PLCH1: variants seen among roughly 807,000 people sequenced by gnomAD.
PLCH1 encodes 1-phosphatidylinositol 4,5-bisphosphate phosphodiesterase eta-1.
PLCH1 carries 60 observed loss-of-function variants against 126.7 expected under a neutral mutation model. The ratio of observed to expected loss-of-function variants is 0.47; its 90% CI spans 0.38 to 0.59. The LOEUF (loss-of-function observed/expected upper bound fraction) is 0.59. Ranked by LOEUF, PLCH1 falls within the 20% of genes least tolerant of loss-of-function variation. The pLI is 0.00. For synonymous variants in PLCH1, 719 were observed against 734.9 expected, an observed-to-expected ratio of 0.98 and a Z score of 0.35; for missense variants, 1,723 against 2,040.0, an observed-to-expected ratio of 0.84 and a Z score of 2.99.
At chr3:155,539,530 T>C (rs969673040) in intron 10 of PLCH1, among the ~76,000 whole-genome samples, 1 of 152,276 alleles carries the variant, frequency 6.6e-6, no homozygotes, top group East Asian at 1.9e-4. Flanking sequence ...AAAAAGCTCC[T>C]AGATCTGATA....
intron 2 of PLCH1, among the ~76,000 whole-genome samples, chr3:155,602,394 A>G (rs1010133606): frequency 1.3e-5 from 2 of 152,208 alleles, no homozygotes; most frequent in African/African-American, 4.8e-5. Context: ...AGGGAATGAC[A>G]CTACTCTTAG....
At chr3:155,670,245 C>T (rs1743271064) in intron 2 of PLCH1, among the ~76,000 whole-genome samples, 1 of 152,036 alleles carries the variant, frequency 6.6e-6, no homozygotes, top group Non-Finnish European at 1.5e-5. Flanking sequence ...TTTAAAGCTG[C>T]CTTTTATTTC....
chr3:155,666,478 G>A (rs1742737825), intron 2 of PLCH1, among the ~76,000 whole-genome samples: 1 of 152,160 alleles, frequency 6.6e-6, no homozygotes, highest in African/African-American at 2.4e-5. Flanking sequence ...TAAAGTTACA[G>A]TGTGTTTAAT....
chr3:155,513,940 T>C (rs1467746045), intron 12 of PLCH1, among the ~76,000 whole-genome samples: 1 of 152,180 alleles, frequency 6.6e-6, no homozygotes, highest in African/African-American at 2.4e-5. Flanking sequence ...TTGGGGCAAA[T>C]ATGCTGTCTC....
chr3:155,498,613 G>A (rs1050220600), intron 14 of PLCH1, among the ~76,000 whole-genome samples: 3 of 152,054 alleles, frequency 2.0e-5, no homozygotes, highest in Non-Finnish European at 4.4e-5. Context: ...AGTGGGTAGC[G>A]GGCCACAAGA....
intron 10 of PLCH1, among the ~76,000 whole-genome samples, chr3:155,548,052 A>G (rs148621281): frequency 0.011 from 1,666 of 152,234 alleles, 34 homozygotes; most frequent in African/African-American, 0.039. Context: ...TAATAAAATA[A>G]AAATAAATTT....
intron 2 of PLCH1, among the ~76,000 whole-genome samples, chr3:155,653,257 A>G (rs1260988389): frequency 6.6e-6 from 1 of 152,128 alleles, no homozygotes; most frequent in Non-Finnish European, 1.5e-5. Flanking sequence ...GGCCTCAAGC[A>G]ATTTTCCAGC....
At chr3:155,531,496 G>A (rs973775982) in intron 10 of PLCH1, among the ~76,000 whole-genome samples, 5 of 152,204 alleles carry the variant, frequency 3.3e-5, no homozygotes, top group East Asian at 1.9e-4. Flanking sequence ...GTGGTGGCAC[G>A]TGCCTGTAAT....
chr3:155,544,051 T>A (rs1213877274), intron 10 of PLCH1, among the ~76,000 whole-genome samples: 1 of 148,358 alleles, frequency 6.7e-6, no homozygotes, highest in East Asian at 2.0e-4. Flanking sequence ...TAACTTTAAA[T>A]TAAATGGACT....
intron 2 of PLCH1, among the ~76,000 whole-genome samples, chr3:155,624,470 G>T (rs1736975249): frequency 6.6e-6 from 1 of 152,164 alleles, no homozygotes; most frequent in African/African-American, 2.4e-5. Context: ...GTCTCTGTTT[G>T]CAGATGACAT....
At chr3:155,682,931 A>C (rs1744650106) in intron 2 of PLCH1, among the ~76,000 whole-genome samples, 1 of 152,242 alleles carries the variant, frequency 6.6e-6, no homozygotes, top group African/African-American at 2.4e-5. Flanking sequence ...CAAGTGTTTT[A>C]CTCAGAGAGC....
At chr3:155,458,329 A>G (rs12633236) in intron 21 of PLCH1, among the ~76,000 whole-genome samples, 37,874 of 117,862 alleles carry the variant, frequency 0.32, 7,716 homozygotes, top group African/African-American at 0.56. Flanking sequence ...GGAACAGAGC[A>G]AGACTCCATG....
chr3:155,647,456 T>G lies in PLCH1; in HGVS notation c.80-51078A>C, dbSNP rs1450275897. ...CTCTTTCTCCTAAACTTGCAGAATC[T>G]GTTACACCAAAAGACACAATGAACA... On this transcript the variant is annotated intron_variant, in intron 2 of 22. Coordinates refer to ENST00000460012, the MANE Select transcript of PLCH1 (RefSeq NM_014996.4). Among the ~76,000 whole-genome samples, 6 of 151,766 alleles carry G rather than the reference T, an allele frequency of 4.0e-5. No homozygotes were observed. In the East Asian group the frequency reaches 1.2e-3, roughly 30 times the overall value.
intron 11 of PLCH1, among the ~76,000 whole-genome samples, chr3:155,516,816 AC>A (rs1164110276): frequency 6.6e-6 from 1 of 151,308 alleles, no homozygotes; most frequent in Non-Finnish European, 1.5e-5. Context: ...AAAGAGGAAT[AC>A]CCCCCACTGT....
intron 2 of PLCH1, among the ~76,000 whole-genome samples, chr3:155,681,243 A>G (rs910803947): frequency 2.0e-5 from 3 of 152,222 alleles, no homozygotes; most frequent in Non-Finnish European, 4.4e-5. Context: ...GAAAAAGAAT[A>G]TAATCTCTTC....
intron 2 of PLCH1, among the ~76,000 whole-genome samples, chr3:155,699,916 A>C (rs569821418): frequency 2.6e-5 from 4 of 152,186 alleles, no homozygotes; most frequent in Non-Finnish European, 4.4e-5. Flanking sequence ...CAAAGTTTAC[A>C]GTCCAAAAAG....
chr3:155,475,184 A>G (rs907200186), downstream of PLCH1, among the ~76,000 whole-genome samples: 1 of 152,030 alleles, frequency 6.6e-6, no homozygotes, highest in African/African-American at 2.4e-5. Context: ...ATACAAATAC[A>G]TGGAAATTAA....
intron 10 of PLCH1, among the ~76,000 whole-genome samples, chr3:155,527,675 G>T (rs1722133901): frequency 6.6e-6 from 1 of 152,136 alleles, no homozygotes; most frequent in South Asian, 2.1e-4. Context: ...CAGCCCTTTG[G>T]GAGGCCGAGG....
chr3:155,722,581 T>C (rs750577628), intron 1 of PLCH1, among the ~76,000 whole-genome samples: 38 of 152,318 alleles, frequency 2.5e-4, no homozygotes, highest in Non-Finnish European at 3.7e-4. Context: ...GAGATAATCA[T>C]GTGATTTTTG....
Sources: allele counts gnomAD v4.1 joint callset (sites outside exome capture counted in the v4.1 genomes callset), GRCh38; gene constraint gnomAD v4.1.1; transcripts MANE v1.5; gene names NCBI Gene and HGNC (gene_info 2026-07-23, HGNC 2026-07-21).